CYLC1: variants seen among roughly 807,000 people sequenced by gnomAD.
The protein encoded by CYLC1 is cylicin 1, also known as cylicin-1.
In CYLC1, 2 loss-of-function variants were observed where a neutral mutation model predicts 31.6. That is an observed-to-expected ratio of 0.06 (90% CI 0.03 to 0.20). The LOEUF is 0.20. CYLC1 is among the 10% of genes least tolerant of loss of function. CYLC1 has a pLI of 1.00. For missense variants in CYLC1, 595 were observed against 424.1 expected, an observed-to-expected ratio of 1.40 and a Z score of -3.54; for synonymous variants, 185 against 153.0, an observed-to-expected ratio of 1.21 and a Z score of -1.54.
At chrX:83,877,920 A>ATATGTATAAATATATATATATATATTTG (rs2031800607) in intron 4 of CYLC1, among the ~76,000 whole-genome samples, 1 of 80,669 alleles carries the variant, frequency 1.2e-5, no homozygotes, top group Non-Finnish European at 2.3e-5. Flanking sequence ...ATATATATAT[A>ATATGTATAAATATATATATATATATTTG]TATATAAATA....
chrX:83,884,728 C>A (rs2031959557), intron 4 of CYLC1, among the ~76,000 whole-genome samples: 1 of 111,425 alleles, frequency 9.0e-6, no homozygotes, highest in East Asian at 2.8e-4. Context: ...TTTTAAATTG[C>A]ATGCACTTTG....
At chrX:83,885,751 A>G (rs1276154899) in intron 4 of CYLC1, among the ~76,000 whole-genome samples, 1 of 109,902 alleles carries the variant, frequency 9.1e-6, no homozygotes, top group Non-Finnish European at 1.9e-5. Flanking sequence ...GAAAATAAGA[A>G]GAAAAAACAA....
rs754775520 is a variant in CYLC1, at chrX:83,861,200, G to A, written c.17+1G>A. 1.7e-6 allele frequency: 2 copies of A among 1,190,298 alleles called. No individual in the cohort carries two copies. The highest frequency in any genetic ancestry group is 2.3e-6 in the Non-Finnish European group (2 of 880,134). ...CAGGGGAAATGTCTCTTCCAAGGTT[G>A]TAAGTCCTCTTTTTAATATTTTTTT... On this transcript the variant is annotated splice_donor_variant, in intron 1 of 4. Coordinates refer to ENST00000329312, the MANE Select transcript of CYLC1 (RefSeq NM_021118.3). LOFTEE classifies it high-confidence loss of function.
intron 4 of CYLC1, among the ~76,000 whole-genome samples, chrX:83,878,980 A>C (rs890708158): frequency 9.2e-6 from 1 of 108,504 alleles, no homozygotes; most frequent in African/African-American, 3.4e-5. Context: ...GCTGTGTTTC[A>C]GGGTCAGCAC....
At position 83,873,797 on chromosome X, in the gene CYLC1, AAAG is replaced by A; in HGVS notation, c.1093_1095del (p.Lys365del). ...AGAAAGATGACAAGAAAAAGGACACAAAGAAGTACCCAGAGTCTACTGATACTG... is the reference window on the plus strand; with the variant it reads ...AGAAAGATGACAAGAAAAAGGACACAAAGTACCCAGAGTCTACTGATACTG... On this transcript the variant is annotated inframe_deletion, in exon 4 of 5. Coordinates refer to ENST00000329312, the MANE Select transcript of CYLC1 (RefSeq NM_021118.3). 1 of 1,190,935 alleles carries A rather than the reference AAAG, an allele frequency of 8.4e-7. No individual in the cohort carries two copies. The highest frequency in any genetic ancestry group is 1.1e-6 in the Non-Finnish European group (1 of 884,090).
At chrX:83,884,593 C>G (rs1329565177) in intron 4 of CYLC1, among the ~76,000 whole-genome samples, 1 of 111,059 alleles carries the variant, frequency 9.0e-6, no homozygotes, top group Non-Finnish European at 1.9e-5. Context: ...CTCATGTAAC[C>G]AAACACCACC....
Position 83,873,463 on chromosome X carries a change from G to A in CYLC1, c.755G>A (p.Gly252Glu). Residue 252 changes from glycine to glutamate, a missense_variant, in exon 4 of 5, where the codon GGA (glycine) becomes GAA (glutamate). Transcript: ENST00000329312. ...SLNVDFLMLV[G>E]QSDDESINFD... ...AATGTTGATTTCCTCATGTTAGTGG[G>A]ACAGTCTGATGATGAATCCATAAAT... is the stretch of plus-strand genomic sequence containing the variant. The A allele has an allele frequency of 8.4e-7, 1 of 1,197,524 alleles. No individual in the cohort carries two copies. The highest frequency in any genetic ancestry group is 1.1e-6 in the Non-Finnish European group (1 of 887,316).
At chrX:83,872,678 T>C (rs1358966466) in intron 3 of CYLC1, among the ~76,000 whole-genome samples, 4 of 106,130 alleles carry the variant, frequency 3.8e-5, no homozygotes, top group Admixed American at 1.0e-4. Context: ...AGTCATTTTA[T>C]TTCCAAAGTG....
chrX:83,886,470 T>A lies in CYLC1; in HGVS notation c.1924-82T>A, dbSNP rs1004514600. The stretch of plus-strand genomic sequence containing the variant: ...TATGACAGTCTGTGCTTTCGTGTGA[T>A]CCTTAACACATCATAGTTGTCTTGA... On this transcript the variant is annotated intron_variant, in intron 4 of 4. Transcript: ENST00000329312. The A allele has an allele frequency of 1.5e-4, 139 of 921,004 alleles. 3 individuals carry two copies. The South Asian group carries it at 2.9e-3, about 19-fold the overall frequency. The allele number at this position is 921,004 out of a possible 1,213,427, so 75.9% of individuals were successfully genotyped here.
intron 4 of CYLC1, among the ~76,000 whole-genome samples, chrX:83,876,239 C>A (rs1454006496): frequency 9.1e-6 from 1 of 110,469 alleles, no homozygotes; most frequent in East Asian, 2.8e-4. Flanking sequence ...TGCTTTGAGA[C>A]TCAAAGTTGA....
intron 1 of CYLC1, among the ~76,000 whole-genome samples, chrX:83,867,925 T>A (rs2031613209): frequency 9.0e-6 from 1 of 111,536 alleles, no homozygotes; most frequent in Non-Finnish European, 1.9e-5. Flanking sequence ...GAATGAAAAA[T>A]TTAGAGAAAA....
At chrX:83,865,252 A>G (rs190679729) in intron 1 of CYLC1, among the ~76,000 whole-genome samples, 2 of 111,203 alleles carry the variant, frequency 1.8e-5, no homozygotes, top group Non-Finnish European at 3.8e-5. Flanking sequence ...TTAAGCAAAC[A>G]TAAACATGCA....
chrX:83,886,488 T>C (rs1340887394), intron 4 of CYLC1, 64 bp from the exon 5 acceptor site: 25 of 1,056,849 alleles, frequency 2.4e-5, no homozygotes, highest in Non-Finnish European at 2.8e-5. Context: ...ACATCATAGT[T>C]GTCTTGATTA....
In CYLC1 at chrX:83,873,481, C is replaced by G; in HGVS notation, c.773C>G (p.Ser258Cys). ...TTAGTGGGACAGTCTGATGATGAAT[C>G]CATAAATTTTGATGCATGGTTAAGG... ...LMLVGQSDDE[S>C]INFDAWLRNY... is the part of the protein sequence containing the mutation. Residue 258 changes from serine (S) to cysteine (C), a missense_variant, in exon 4 of 5, where the codon TCC (serine) becomes TGC (cysteine). Physicochemically the swap from Ser to Cys is moderately radical, Grantham distance 112 (BLOSUM62 -1). Transcript: ENST00000329312. 8.4e-7 allele frequency: 1 copy of G among 1,193,572 alleles called. No homozygotes were observed. The highest frequency in any genetic ancestry group is 1.1e-6 in the Non-Finnish European group (1 of 883,600).
At chrX:83,876,190 G>T (rs948964561) in intron 4 of CYLC1, among the ~76,000 whole-genome samples, 1 of 110,090 alleles carries the variant, frequency 9.1e-6, no homozygotes. Context: ...GAAAGCCTGG[G>T]TTTCAAGTCT....
At chrX:83,861,257 G>A in intron 1 of CYLC1, 58 bp downstream of exon 1, 2 of 845,725 alleles carry the variant, frequency 2.4e-6, no homozygotes, top group Non-Finnish European at 3.4e-6. Flanking sequence ...GCTCAATTTA[G>A]TTACAAATGT....
chrX:83,867,809 T>C (rs1048418108), intron 1 of CYLC1, among the ~76,000 whole-genome samples: 14 of 111,670 alleles, frequency 1.3e-4, no homozygotes, highest in Middle Eastern at 4.7e-3. Flanking sequence ...GAACCACTTA[T>C]GCAAAGTCCC....
chrX:83,868,007 A>T (rs970134038), intron 1 of CYLC1, among the ~76,000 whole-genome samples: 23 of 111,696 alleles, frequency 2.1e-4, no homozygotes, highest in African/African-American at 7.4e-4. Flanking sequence ...GTTTAAAGAA[A>T]AATGATGAAT....
intron 1 of CYLC1, among the ~76,000 whole-genome samples, chrX:83,868,149 T>C (rs1490344825): frequency 9.0e-6 from 1 of 111,075 alleles, no homozygotes; most frequent in Non-Finnish European, 1.9e-5. Context: ...CCAGATCAAA[T>C]CAAGCAAATA....
Sources: allele counts gnomAD v4.1 joint callset (sites outside exome capture counted in the v4.1 genomes callset), GRCh38; gene constraint gnomAD v4.1.1; transcripts MANE v1.5; gene names NCBI Gene and HGNC (gene_info 2026-07-23, HGNC 2026-07-21).